Variants in PARD3 observed in about 807,000 individuals in gnomAD.
PARD3 encodes the protein par-3 family cell polarity regulator.
PARD3 carries 75 observed loss-of-function variants against 155.4 expected under a neutral mutation model. That is an observed-to-expected ratio of 0.48 (90% CI 0.40 to 0.58). The LOEUF (loss-of-function observed/expected upper bound fraction) is 0.58. Ranked by LOEUF, PARD3 falls within the 20% of genes least tolerant of loss-of-function variation. The pLI, the probability that PARD3 is intolerant of heterozygous loss-of-function variation, is 0.00. For synonymous variants in PARD3, 576 were observed against 610.5 expected (o/e 0.94, Z 0.83); for missense variants, 1,642 against 1,721.7 (o/e 0.95, Z 0.82).
At chr10:34,783,819 T>C (rs1383592967) in intron 1 of PARD3, among the ~76,000 whole-genome samples, 1 of 152,126 alleles carries the variant, frequency 6.6e-6, no homozygotes, top group Admixed American at 6.6e-5. Flanking sequence ...CATTTTTTTT[T>C]CTAACTACTT....
chr10:34,423,713 A>T (rs2075440272), intron 5 of PARD3, among the ~76,000 whole-genome samples: 1 of 152,182 alleles, frequency 6.6e-6, no homozygotes, highest in Non-Finnish European at 1.5e-5. Context: ...GAATTTGGGC[A>T]TGTTTAAAAA....
intron 22 of PARD3, among the ~76,000 whole-genome samples, chr10:34,159,409 T>C (rs886729735): frequency 2.0e-5 from 3 of 152,196 alleles, no homozygotes; most frequent in Non-Finnish European, 2.9e-5. Flanking sequence ...AAATAACTCT[T>C]TCACTCTGCC....
chr10:34,790,088 T>C (rs1286851969), intron 1 of PARD3, among the ~76,000 whole-genome samples: 8 of 152,186 alleles, frequency 5.3e-5, no homozygotes, highest in Non-Finnish European at 1.0e-4. Flanking sequence ...GGGTTAATTA[T>C]TGATGAATCT....
At chr10:34,542,234 T>TGTGTGTGTGTGTGTGTGTAC (rs143582528) in intron 2 of PARD3, among the ~76,000 whole-genome samples, 1 of 146,198 alleles carries the variant, frequency 6.8e-6, no homozygotes, top group Non-Finnish European at 1.5e-5. Flanking sequence ...TGTGTGTGTG[T>TGTGTGTGTGTGTGTGTGTAC]GTGTGCACAC....
intron 4 of PARD3, among the ~76,000 whole-genome samples, chr10:34,466,607 C>A (rs2078021820): frequency 6.6e-6 from 1 of 152,102 alleles, no homozygotes; most frequent in African/African-American, 2.4e-5. Context: ...TATGAATGCA[C>A]AACTAATTTA....
Position 34,620,766 on chromosome 10 carries a change from G to A in PARD3, c.222+75552C>T, listed in dbSNP as rs376017801. On this transcript the variant is annotated intron_variant, in intron 2 of 24. Transcript: ENST00000374788. ...TGGGAAATTTCTTAGTCAAAAAGTT[G>A]AATCACTAACAATGAACCAGCTCTC... 1.4e-4 allele frequency among the ~76,000 whole-genome samples: 22 copies of A among 152,248 alleles called. 1 individual carries two copies. In the East Asian group the frequency reaches 3.7e-3, roughly 25 times the overall value.
At chr10:34,245,052 A>ATC (rs1953855583) in intron 22 of PARD3, among the ~76,000 whole-genome samples, 1 of 148,110 alleles carries the variant, frequency 6.8e-6, no homozygotes, top group Non-Finnish European at 1.5e-5. Context: ...ATGTCGGGAG[A>ATC]ACACAGGGAA....
chr10:34,463,847 T>C (rs1055632415), intron 4 of PARD3, among the ~76,000 whole-genome samples: 2 of 152,178 alleles, frequency 1.3e-5, no homozygotes, highest in African/African-American at 4.8e-5. Flanking sequence ...ATGAATGCAT[T>C]GTGTCCCAGC....
chr10:34,570,673 A>G (rs1303288437), intron 2 of PARD3, among the ~76,000 whole-genome samples: 2 of 152,190 alleles, frequency 1.3e-5, no homozygotes, highest in African/African-American at 4.8e-5. Context: ...CATGAATACT[A>G]CATATCAGAA....
At chr10:34,671,049 C>T (rs146467381) in intron 2 of PARD3, among the ~76,000 whole-genome samples, 85 of 152,308 alleles carry the variant, frequency 5.6e-4, no homozygotes, top group African/African-American at 1.7e-3. Flanking sequence ...AGAGAGATGG[C>T]GGGCACCTGT....
At chr10:34,387,804 T>G (rs1464927110) in intron 7 of PARD3, among the ~76,000 whole-genome samples, 2 of 30,872 alleles carry the variant, frequency 6.5e-5, no homozygotes, top group Non-Finnish European at 1.0e-4. Flanking sequence ...AACCTATGTG[T>G]TTTTTTTCTG....
chr10:34,435,742 C>CT (rs2076155986), intron 5 of PARD3, among the ~76,000 whole-genome samples: 1 of 152,150 alleles, frequency 6.6e-6, no homozygotes, highest in Non-Finnish European at 1.5e-5. Flanking sequence ...TAAGACATAA[C>CT]AGGAAAAAAG....
At chr10:34,191,286 T>G (rs1379624353) in intron 22 of PARD3, among the ~76,000 whole-genome samples, 1 of 152,010 alleles carries the variant, frequency 6.6e-6, no homozygotes, top group Non-Finnish European at 1.5e-5. Flanking sequence ...AGAGGAAAGT[T>G]ATAGAGCTGA....
chr10:34,453,653 T>C (rs537690497), intron 4 of PARD3, among the ~76,000 whole-genome samples: 63 of 152,356 alleles, frequency 4.1e-4, no homozygotes, highest in African/African-American at 1.5e-3. Context: ...TATTTTTAGA[T>C]TTATACTAAA....
At chr10:34,599,581 TCAA>T (rs2089593316) in intron 2 of PARD3, among the ~76,000 whole-genome samples, 1 of 152,180 alleles carries the variant, frequency 6.6e-6, no homozygotes, top group Non-Finnish European at 1.5e-5. Context: ...TACATAAAAT[TCAA>T]CTTTAAAATT....
chr10:34,337,062 T>C (rs1179373239), intron 17 of PARD3, among the ~76,000 whole-genome samples: 1 of 152,188 alleles, frequency 6.6e-6, no homozygotes, highest in African/African-American at 2.4e-5. Flanking sequence ...AGAAAACATA[T>C]ATATTAACAT....
chr10:34,796,518 A>T (rs1842260273), intron 1 of PARD3, among the ~76,000 whole-genome samples: 1 of 152,266 alleles, frequency 6.6e-6, no homozygotes, highest in Non-Finnish European at 1.5e-5. Context: ...TATTATTTTT[A>T]AAATTCTTAC....
At chr10:34,470,459 G>C (rs1215103187) in intron 3 of PARD3, among the ~76,000 whole-genome samples, 196 bp from the exon 4 acceptor site, 1 of 152,176 alleles carries the variant, frequency 6.6e-6, no homozygotes, top group East Asian at 1.9e-4. Flanking sequence ...ATGCGGTCAA[G>C]TGTCGGCTCC....
At position 34,502,601 on chromosome 10, in the gene PARD3, C is replaced by CA. The variant is rs551925038; in HGVS notation, c.403+14377dup. On this transcript the variant is annotated intron_variant, in intron 3 of 24. Transcript: ENST00000374788. ...ATATAGACACACACACACAGACACT[C>CA]AGAACTACATATACCCTGCTTTCCA... Among the ~76,000 whole-genome samples the CA allele has an allele frequency of 7.0e-4, 106 of 152,188 alleles. 1 individual carries two copies. In the South Asian group the frequency reaches 7.7e-3, roughly 11 times the overall value.
Sources: allele counts gnomAD v4.1 joint callset (sites outside exome capture counted in the v4.1 genomes callset), GRCh38; gene constraint gnomAD v4.1.1; transcripts MANE v1.5; gene names NCBI Gene and HGNC (gene_info 2026-07-23, HGNC 2026-07-21).